Variants in SGF29 observed in about 807,000 individuals in gnomAD.
SGF29 encodes the protein SAGA-associated factor 29.
A neutral mutation model predicts 38.1 loss-of-function variants in SGF29; 15 were observed. The observed-to-expected ratio is 0.39, with a 90% confidence interval of 0.26 to 0.61. SGF29 has a LOEUF of 0.61. Among genes scored for constraint, SGF29 ranks in the 20% least tolerant of loss-of-function variants. The pLI, the probability that SGF29 is intolerant of heterozygous loss-of-function variation, is 0.49. For synonymous variants in SGF29, 151 were observed against 160.8 expected (o/e 0.94, Z 0.46); for missense variants, 184 against 394.6 (o/e 0.47, Z 4.52).
intron 1 of SGF29, among the ~76,000 whole-genome samples, chr16:28,579,949 C>G (rs1289419200): frequency 6.6e-6 from 1 of 151,900 alleles, no homozygotes; most frequent in African/African-American, 2.4e-5. Context: ...AAAAAATTAT[C>G]TTCCCACTAT....
In SGF29 at chr16:28,590,163, G is replaced by A; in HGVS notation, c.357G>A (p.Leu119=). 1.2e-6 allele frequency: 2 copies of A among 1,611,378 alleles called. No homozygotes were observed. The highest frequency in any genetic ancestry group is 1.3e-5 in the African/African-American group (1 of 75,046). ...PPRKTMRRGV[L]MTLLQQSAMT... ...GGAAGACCATGCGCAGAGGGGTGCTGATGACCCTGCTGCAGCAGTCGGCCA... is the reference window on the plus strand; with the variant it reads ...GGAAGACCATGCGCAGAGGGGTGCTAATGACCCTGCTGCAGCAGTCGGCCA... The change falls in exon 6 of 10, where the codon CTG becomes CTA. Residue 119 remains leucine (L), a synonymous_variant. Coordinates refer to ENST00000317058, the MANE Select transcript of SGF29 (RefSeq NM_138414.3). The surrounding 1 kb of genome is among the most constrained non-coding windows in gnomAD (Gnocchi z 8.2).
At chr16:28,576,149 T>C (rs1341803694) in intron 1 of SGF29, among the ~76,000 whole-genome samples, 1 of 151,692 alleles carries the variant, frequency 6.6e-6, no homozygotes, top group Non-Finnish European at 1.5e-5. Flanking sequence ...AAGATAAACA[T>C]AGTGTAAATA....
At chr16:28,583,331 G>A (rs2046937295) in intron 2 of SGF29, among the ~76,000 whole-genome samples, 1 of 152,128 alleles carries the variant, frequency 6.6e-6, no homozygotes, top group Admixed American at 6.6e-5. Flanking sequence ...GTTAGCTTTG[G>A]CCACTGTACC....
At chr16:28,562,539 A>G (rs1011184547) in intron 1 of SGF29, among the ~76,000 whole-genome samples, 4 of 152,116 alleles carry the variant, frequency 2.6e-5, no homozygotes, top group South Asian at 2.1e-4. Context: ...AAGGTCTGAC[A>G]AATGGGGATC....
Position 28,574,832 on chromosome 16 carries a change from C to A in SGF29, c.-15-6223C>A, listed in dbSNP as rs549808706. 5.3e-5 allele frequency among the ~76,000 whole-genome samples: 8 copies of A among 152,324 alleles called. No individual in the cohort carries two copies. The South Asian group carries it at 1.7e-3, about 32-fold the overall frequency. ...AGCAACAGCCTGCATGCTGATCATG[C>A]TCAGATTTATCCACTTCCAATCTGT... On this transcript the variant is annotated intron_variant, in intron 1 of 9. Transcript: ENST00000317058.
At chr16:28,559,254 A>C (rs1243550546) in intron 1 of SGF29, among the ~76,000 whole-genome samples, 2 of 152,204 alleles carry the variant, frequency 1.3e-5, no homozygotes. Context: ...AAAGAAGTCA[A>C]GGCTGCAGTG....
rs747615975 is a variant in SGF29 at position 28,581,058 on chromosome 16, C to A, written c.-12C>A. 1.2e-6 allele frequency: 2 copies of A among 1,612,942 alleles called. No homozygotes were observed. Among genetic ancestry groups the A allele is most frequent in the Admixed American group, 1.7e-5 (1 of 59,898 alleles). On this transcript the variant is annotated 5_prime_UTR_variant, in exon 2 of 10. Transcript: ENST00000317058. ...TCTGTCCTCGCTCCCCCACCAGGTG[C>A]CCCTGTAGACAATGGCCCTCGTGTC... is the stretch of plus-strand genomic sequence containing the variant.
rs368608942 is a variant in SGF29, at chr16:28,590,589, C to G, written c.567-42C>G. 1.2e-6 allele frequency: 2 copies of G among 1,612,658 alleles called. No homozygotes were observed. The highest frequency in any genetic ancestry group is 2.7e-5 in the African/African-American group (2 of 74,872). On this transcript the variant is annotated intron_variant, in intron 7 of 9. Transcript: ENST00000317058. The surrounding 1 kb of genome is among the most constrained non-coding windows in gnomAD (Gnocchi z 8.2). The stretch of plus-strand genomic sequence containing the variant: ...CATCCTCACTCCCCAACAGGTACTG[C>G]GCCCCTGGCTGCATCCAGCCTTTTC...
chr16:28,568,691 G>A (rs940985976), intron 1 of SGF29, among the ~76,000 whole-genome samples: 28 of 152,064 alleles, frequency 1.8e-4, no homozygotes, highest in African/African-American at 6.3e-4. Flanking sequence ...GAGGGGGATG[G>A]ATCACGAGGT....
chr16:28,556,699 C>G (rs1282180540), intron 1 of SGF29, among the ~76,000 whole-genome samples: 10 of 151,776 alleles, frequency 6.6e-5, no homozygotes, highest in Admixed American at 6.6e-4. Flanking sequence ...AGGCTGGAGC[C>G]TAGTGGTGCC....
chr16:28,554,408 C>T (rs561599561), intron 1 of SGF29, among the ~76,000 whole-genome samples: 2 of 152,312 alleles, frequency 1.3e-5, no homozygotes, highest in African/African-American at 2.4e-5. Flanking sequence ...AGGTGGGGTA[C>T]TCGGACCCGG....
chr16:28,587,745 G>T (rs983892048), intron 4 of SGF29, among the ~76,000 whole-genome samples: 1 of 152,186 alleles, frequency 6.6e-6, no homozygotes, highest in African/African-American at 2.4e-5. Flanking sequence ...GTTTGCCATG[G>T]TATCAGAGGA....
intron 1 of SGF29, among the ~76,000 whole-genome samples, chr16:28,555,488 T>C (rs1348924379): frequency 6.6e-6 from 1 of 152,010 alleles, no homozygotes; most frequent in Non-Finnish European, 1.5e-5. Context: ...AAAAGAGTTC[T>C]AGAGGTGGAA....
At chr16:28,557,562 A>C (rs564449344) in intron 1 of SGF29, among the ~76,000 whole-genome samples, 1 of 152,364 alleles carries the variant, frequency 6.6e-6, no homozygotes, top group South Asian at 2.1e-4. Flanking sequence ...GGAGTCATGG[A>C]AACCCTGATT....
rs1231166290 is a variant in SGF29, at chr16:28,560,679, G to A, written c.-16+6582G>A. 4.6e-5 allele frequency among the ~76,000 whole-genome samples: 7 copies of A among 151,540 alleles called. 1 individual carries two copies. Among genetic ancestry groups the A allele is most frequent in the South Asian group, 4.2e-4 (2 of 4,800 alleles). On this transcript the variant is annotated intron_variant, in intron 1 of 9. Coordinates refer to ENST00000317058, the MANE Select transcript of SGF29 (RefSeq NM_138414.3). The stretch of plus-strand genomic sequence containing the variant: ...GTGTTTACAAAAAAAGGCAATGAAC[G>A]GGCCCGGCGCAGTGGCTCACGCCGG...
chr16:28,564,658 T>TATATGC (rs1555474833), intron 1 of SGF29, among the ~76,000 whole-genome samples: 4 of 80,334 alleles, frequency 5.0e-5, no homozygotes, highest in African/African-American at 4.5e-5. Context: ...TATATACGTA[T>TATATGC]ATATATGCAT....
In SGF29 at chr16:28,590,493, G is replaced by A. The variant is rs1293133771; in HGVS notation, c.566+51G>A. 2 of 1,613,752 alleles carry A rather than the reference G, an allele frequency of 1.2e-6. No individual in the cohort carries two copies. Among genetic ancestry groups the A allele is most frequent in the Admixed American group, 1.7e-5 (1 of 60,022 alleles). On this transcript the variant is annotated intron_variant, in intron 7 of 9. Transcript: ENST00000317058. The surrounding 1 kb of genome is among the most constrained non-coding windows in gnomAD (Gnocchi z 8.2). The stretch of plus-strand genomic sequence containing the variant: ...CTCTCTGGTCACCGAACTTGCCTGG[G>A]CTACGGGAGAAAAGCTCTGCAGAGG...
At position 28,581,108 on chromosome 16, in the gene SGF29, T is replaced by A; in HGVS notation, c.39T>A (p.Leu13=). The A allele has an allele frequency of 6.2e-7, 1 of 1,614,084 alleles. No individual in the cohort carries two copies. Among genetic ancestry groups the A allele is most frequent in the Non-Finnish European group, 8.5e-7 (1 of 1,179,996 alleles). ...LVSADSRIAE[L]LTELHQLIKQ... Reference sequence around the variant, plus strand: ...CTGCCGATTCCCGCATTGCAGAACTTCTCACAGAGCTCCATCAGCTGATCA... The same window carrying A: ...CTGCCGATTCCCGCATTGCAGAACTACTCACAGAGCTCCATCAGCTGATCA... The change falls in exon 2 of 10, where the codon CTT becomes CTA. Residue 13 remains leucine (L), a synonymous_variant. Coordinates refer to ENST00000317058, the MANE Select transcript of SGF29 (RefSeq NM_138414.3).
At chr16:28,583,697 A>G (rs140979202) in intron 2 of SGF29, among the ~76,000 whole-genome samples, 5 of 152,222 alleles carry the variant, frequency 3.3e-5, no homozygotes, top group African/African-American at 9.6e-5. Flanking sequence ...CTCCACATCA[A>G]TTGATCATAC....
Sources: allele counts gnomAD v4.1 joint callset (sites outside exome capture counted in the v4.1 genomes callset), GRCh38; gene constraint gnomAD v4.1.1; non-coding constraint Gnocchi (gnomAD v3.1); transcripts MANE v1.5; gene names NCBI Gene and HGNC (gene_info 2026-07-23, HGNC 2026-07-21).